The following GRXCR2 variants were observed in gnomAD, a reference collection of about 807,000 sequenced individuals.
GRXCR2 encodes glutaredoxin and cysteine rich domain containing 2.
A neutral mutation model predicts 24.8 loss-of-function variants in GRXCR2; 23 were observed. The ratio of observed to expected loss-of-function variants is 0.93; its 90% CI spans 0.67 to 1.32. GRXCR2 has a LOEUF of 1.32. GRXCR2 is among the 40% of genes most tolerant of loss of function. GRXCR2 has a pLI of 0.00. For synonymous variants in GRXCR2, 130 were observed against 116.1 expected (o/e 1.12, Z -0.77); for missense variants, 315 against 303.4 (o/e 1.04, Z -0.28).
intron 2 of GRXCR2, among the ~76,000 whole-genome samples, chr5:145,864,539 G>C (rs574487060): frequency 6.6e-6 from 1 of 152,054 alleles, no homozygotes; most frequent in East Asian, 1.9e-4. Flanking sequence ...TGGATCATGG[G>C]GGCAGTTTCC....
intron 2 of GRXCR2, among the ~76,000 whole-genome samples, chr5:145,880,836 C>A (rs1427771664): frequency 1.3e-5 from 2 of 152,194 alleles, no homozygotes; most frequent in South Asian, 2.1e-4. Context: ...CCACCATGAT[C>A]AAGTCGGCTT....
upstream of GRXCR2, among the ~76,000 whole-genome samples, chr5:145,877,318 A>T (rs1369011100): frequency 1.3e-5 from 2 of 149,690 alleles, no homozygotes; most frequent in Non-Finnish European, 1.5e-5. Context: ...AAGGTCGATT[A>T]AAAAAAAAAT....
intron 2 of GRXCR2, among the ~76,000 whole-genome samples, chr5:145,893,629 A>C (rs1349259845): frequency 1.3e-5 from 2 of 152,210 alleles, no homozygotes; most frequent in African/African-American, 4.8e-5. Context: ...CCAGATTCAT[A>C]AAGCAAGTCC....
downstream of GRXCR2, among the ~76,000 whole-genome samples, chr5:145,857,716 T>G (rs1756261813): frequency 6.6e-6 from 1 of 152,162 alleles, no homozygotes; most frequent in Admixed American, 6.5e-5. Flanking sequence ...CATTAAAGGC[T>G]CTTTACAGAA....
chr5:145,899,080 A>G (rs1431528042), intron 2 of GRXCR2, among the ~76,000 whole-genome samples: 1 of 152,152 alleles, frequency 6.6e-6, no homozygotes, highest in Non-Finnish European at 1.5e-5. Context: ...ATCAATGTAC[A>G]AAAGTCAGTA....
chr5:145,927,045 A>T (rs1339964742), intron 2 of GRXCR2, among the ~76,000 whole-genome samples: 2 of 152,160 alleles, frequency 1.3e-5, no homozygotes. Flanking sequence ...TTATTGGTGT[A>T]TAAGAATGCT....
intron 2 of GRXCR2, among the ~76,000 whole-genome samples, chr5:145,886,530 TG>T (rs1438902144): frequency 3.3e-5 from 5 of 152,148 alleles, no homozygotes; most frequent in African/African-American, 1.2e-4. Flanking sequence ...TCAAAAACCC[TG>T]TCCTGGGGGC....
At chr5:145,888,313 T>C (rs1001250042) in intron 2 of GRXCR2, among the ~76,000 whole-genome samples, 1 of 152,192 alleles carries the variant, frequency 6.6e-6, no homozygotes, top group Non-Finnish European at 1.5e-5. Context: ...CATGGGGTCC[T>C]GGAAGACAGG....
chr5:145,912,366 G>T (rs549637957), intron 2 of GRXCR2, among the ~76,000 whole-genome samples: 10 of 152,222 alleles, frequency 6.6e-5, no homozygotes, highest in East Asian at 1.9e-4. Context: ...GATCAGGAAG[G>T]CTTCCTGGAT....
chr5:145,915,833 C>T (rs1414337229), intron 2 of GRXCR2, among the ~76,000 whole-genome samples: 1 of 152,076 alleles, frequency 6.6e-6, no homozygotes, highest in Non-Finnish European at 1.5e-5. Context: ...TTCTCATCTG[C>T]ACAGTGGGTT....
upstream of GRXCR2, among the ~76,000 whole-genome samples, chr5:145,876,191 G>GTGTATATATATATATATATA (rs1412232264): frequency 1.6e-4 from 17 of 105,300 alleles, no homozygotes; most frequent in African/African-American, 5.1e-4. Context: ...GTGTGTGTGT[G>GTGTATATATATATATATATA]TATATATATA....
intron 2 of GRXCR2, among the ~76,000 whole-genome samples, chr5:145,905,659 G>A (rs1389904812): frequency 2.0e-5 from 3 of 152,194 alleles, no homozygotes; most frequent in African/African-American, 7.2e-5. Context: ...ATTCCGAGTT[G>A]CATGGACGGG....
intron 2 of GRXCR2, among the ~76,000 whole-genome samples, chr5:145,896,989 A>G (rs1756959564): frequency 6.6e-6 from 1 of 152,000 alleles, no homozygotes; most frequent in Non-Finnish European, 1.5e-5. Flanking sequence ...TTGTAGGGAC[A>G]TGGATGAAGC....
In GRXCR2 at chr5:145,866,568, C is replaced by A; in HGVS notation, c.497G>T (p.Gly166Val). The change falls in exon 2 of 3, where the codon GGC becomes GTC. Residue 166 changes from glycine (G) to valine (V), a missense_variant. Gly to Val is a moderately radical substitution (Grantham distance 109). Coordinates refer to ENST00000377976, the MANE Select transcript of GRXCR2 (RefSeq NM_001080516.2). The stretch of plus-strand genomic sequence containing the variant: ...CAAAGGTCTATCGTGCTGGTCCCTG[C>A]CTCCATAGCTTTCTTCTTTGTTCAT... ...SLMNKEESYG[G>V]RDQHDRPLVE... is the part of the protein sequence containing the mutation. 6.2e-7 allele frequency: 1 copy of A among 1,614,164 alleles called. No homozygotes were observed.
chr5:145,869,872 TTA>T (rs1447449367), intron 1 of GRXCR2, among the ~76,000 whole-genome samples: 14 of 152,070 alleles, frequency 9.2e-5, no homozygotes, highest in African/African-American at 2.7e-4. Flanking sequence ...TTCTTATGTG[TTA>T]TCTTTTAAAA....
chr5:145,878,080 A>C (rs189598331), intron 2 of GRXCR2, among the ~76,000 whole-genome samples: 1 of 152,354 alleles, frequency 6.6e-6, no homozygotes, highest in East Asian at 1.9e-4. Context: ...AAAACCACAA[A>C]GATGGGGAGA....
chr5:145,917,035 C>A (rs1757250858), intron 2 of GRXCR2, among the ~76,000 whole-genome samples: 1 of 151,554 alleles, frequency 6.6e-6, no homozygotes. Context: ...ACAATGGGAG[C>A]CATTGCCAGA....
chr5:145,922,087 GA>G lies in GRXCR2; in HGVS notation c.-70+13613del, dbSNP rs564880480. ...CATTGGCTCTCTCAGTTGCTTTTTGGATGGAGCCCAGGCATCCCAGACTGCT... is the reference window on the plus strand; with the variant it reads ...CATTGGCTCTCTCAGTTGCTTTTTGGTGGAGCCCAGGCATCCCAGACTGCT... On this transcript the variant is annotated intron_variant, in intron 2 of 3. Transcript: ENST00000639411. Among the ~76,000 whole-genome samples, 33 of 152,180 alleles carry G rather than the reference GA, an allele frequency of 2.2e-4. No homozygotes were observed. The South Asian group carries it at 4.4e-3, about 20-fold the overall frequency.
At chr5:145,896,390 A>G (rs1756949427) in intron 2 of GRXCR2, among the ~76,000 whole-genome samples, 1 of 152,204 alleles carries the variant, frequency 6.6e-6, no homozygotes, top group Non-Finnish European at 1.5e-5. Context: ...TCATCTGACA[A>G]AGGGCTAATA....
Sources: allele counts gnomAD v4.1 joint callset (sites outside exome capture counted in the v4.1 genomes callset), GRCh38; gene constraint gnomAD v4.1.1; transcripts MANE v1.5; gene names NCBI Gene and HGNC (gene_info 2026-07-23, HGNC 2026-07-21).